The following SYT10 variants were observed in gnomAD, a reference collection of about 807,000 sequenced individuals.
SYT10 encodes the protein synaptotagmin 10, also known as synaptotagmin-10.
In SYT10, 31 loss-of-function variants were observed where a neutral mutation model predicts 51.1. The ratio of observed to expected loss-of-function variants is 0.61; its 90% CI spans 0.46 to 0.82. The LOEUF is 0.82. Among genes scored for constraint, SYT10 ranks in the 40% least tolerant of loss-of-function variants. SYT10 has a pLI of 0.00. For missense variants in SYT10, 603 were observed against 634.0 expected (o/e 0.95, Z 0.53); for synonymous variants, 233 against 225.9 (o/e 1.03, Z -0.28).
Position 33,379,868 on chromosome 12 carries a change from ATG to A in SYT10, c.1462_1463del (p.His488SerfsTer21). On this transcript the variant is annotated frameshift_variant, in exon 6 of 7. Coordinates refer to ENST00000228567, the MANE Select transcript of SYT10 (RefSeq NM_198992.4). LOFTEE classifies it high-confidence loss of function. ...GGTGCCAGTGCGTTATTGGTTTTCG[ATG>A]ATAGGCCAGCATTTCATTCCAGTGG... ...RDHWNEMLAYHRKPITHWHPL... is the reference protein window; with the variant it reads ...RDHWNEMLAYXRKPITHWHPL... 3 of 1,614,028 alleles carry A rather than the reference ATG, an allele frequency of 1.9e-6. No individual in the cohort carries two copies. Among genetic ancestry groups the A allele is most frequent in the Non-Finnish European group, 2.5e-6 (3 of 1,179,946 alleles).
chr12:33,435,583 A>T (rs1025357029), intron 1 of SYT10, among the ~76,000 whole-genome samples: 1 of 152,222 alleles, frequency 6.6e-6, no homozygotes, highest in Admixed American at 6.5e-5. Flanking sequence ...ACAAGTCTCA[A>T]GGAAAAAATT....
intron 2 of SYT10, among the ~76,000 whole-genome samples, chr12:33,409,737 G>A (rs1866390191): frequency 6.6e-6 from 1 of 151,990 alleles, no homozygotes; most frequent in African/African-American, 2.4e-5. Flanking sequence ...GGATGGTCTC[G>A]ATCTCCTGAT....
intron 2 of SYT10, among the ~76,000 whole-genome samples, chr12:33,411,762 G>C (rs542273907): frequency 2.0e-5 from 3 of 152,006 alleles, no homozygotes; most frequent in Non-Finnish European, 4.4e-5. Context: ...TGTTTCTTCA[G>C]ATATATGCCA....
At chr12:33,439,223 G>T in intron 1 of SYT10, 149 bp downstream of exon 1, 1 of 1,029,088 alleles carries the variant, frequency 9.7e-7, no homozygotes, top group Non-Finnish European at 1.4e-6. Flanking sequence ...GTCGTCAGGA[G>T]CTGAGCGAAG....
chr12:33,423,835 G>A, intron 2 of SYT10: 1 of 415,404 alleles, frequency 2.4e-6, no homozygotes, highest in Non-Finnish European at 4.8e-6. Flanking sequence ...CCAGCTGCAT[G>A]ACTTCAGGCA....
chr12:33,430,189 T>A (rs1466136091), intron 1 of SYT10, among the ~76,000 whole-genome samples: 2 of 152,238 alleles, frequency 1.3e-5, no homozygotes, highest in African/African-American at 4.8e-5. Flanking sequence ...ACTGTCTATA[T>A]GTCTGTCGGT....
chr12:33,403,133 T>C (rs1866320649), intron 3 of SYT10, among the ~76,000 whole-genome samples: 3 of 152,084 alleles, frequency 2.0e-5, no homozygotes, highest in South Asian at 2.1e-4. Context: ...AAATGATTAT[T>C]TCAAATAAAA....
intron 1 of SYT10, among the ~76,000 whole-genome samples, chr12:33,431,292 T>C (rs1446858739): frequency 1.3e-5 from 2 of 152,138 alleles, no homozygotes; most frequent in African/African-American, 2.4e-5. Context: ...GACTGAAAAA[T>C]GCTCTTTTAA....
At chr12:33,430,056 A>G (rs529603742) in intron 1 of SYT10, among the ~76,000 whole-genome samples, 70 of 152,338 alleles carry the variant, frequency 4.6e-4, no homozygotes, top group Admixed American at 9.1e-4. Flanking sequence ...TCATCCTATC[A>G]TATCTGGAAA....
chr12:33,381,691 G>A (rs1265563228), intron 5 of SYT10, among the ~76,000 whole-genome samples: 2 of 152,100 alleles, frequency 1.3e-5, no homozygotes, highest in Non-Finnish European at 2.9e-5. Flanking sequence ...GGGAGAGTGG[G>A]AGGGCAAAGG....
chr12:33,421,168 G>A lies in SYT10; in HGVS notation c.509+4970C>T, dbSNP rs59553812. The stretch of plus-strand genomic sequence containing the variant: ...TTTCTTATAATAATGCACATTAAGC[G>A]TTCTTTTGGATACTATGCATGATGA... On this transcript the variant is annotated intron_variant, in intron 2 of 6. Coordinates refer to ENST00000228567, the MANE Select transcript of SYT10 (RefSeq NM_198992.4). 3.0e-3 allele frequency among the ~76,000 whole-genome samples: 462 copies of A among 152,014 alleles called. 2 individuals carry two copies. Among genetic ancestry groups the A allele is most frequent in the African/African-American group, 0.01 (432 of 41,484 alleles).
chr12:33,385,343 C>T, intron 3 of SYT10, 52 bp from the exon 4 acceptor site: 1 of 1,592,750 alleles, frequency 6.3e-7, no homozygotes, highest in East Asian at 2.3e-5. Flanking sequence ...GGGTGAAAAC[C>T]AAAAATAATC....
intron 5 of SYT10, among the ~76,000 whole-genome samples, chr12:33,381,683 G>A (rs1314930104): frequency 6.6e-6 from 1 of 152,104 alleles, no homozygotes; most frequent in African/African-American, 2.4e-5. Context: ...AGGCAACGGG[G>A]AGAGTGGGAG....
chr12:33,409,143 A>T (rs1866384187), intron 2 of SYT10, among the ~76,000 whole-genome samples: 1 of 152,102 alleles, frequency 6.6e-6, no homozygotes, highest in South Asian at 2.1e-4. Context: ...CAGCAGGTCT[A>T]CACCTGTTAC....
chr12:33,429,939 C>G (rs1565500173), intron 1 of SYT10, among the ~76,000 whole-genome samples: 1 of 152,164 alleles, frequency 6.6e-6, no homozygotes, highest in Admixed American at 6.5e-5. Flanking sequence ...GGCTTTTCTA[C>G]ACAGGCTTTC....
At chr12:33,425,593 C>T (rs1338508303) in intron 2 of SYT10, among the ~76,000 whole-genome samples, 1 of 152,110 alleles carries the variant, frequency 6.6e-6, no homozygotes, top group Non-Finnish European at 1.5e-5. Flanking sequence ...GTGTAAGAAT[C>T]TGGTCTACAT....
intron 2 of SYT10, among the ~76,000 whole-genome samples, chr12:33,417,146 T>C (rs7298158): frequency 0.13 from 20,300 of 152,172 alleles, 1,584 homozygotes; most frequent in African/African-American, 0.19. Flanking sequence ...ATGTCCCCTC[T>C]AAAACTCACA....
intron 3 of SYT10, chr12:33,405,107 A>G (rs1317989135): frequency 2.6e-5 from 4 of 152,148 alleles, no homozygotes; most frequent in Non-Finnish European, 5.9e-5. Context: ...GAATATATGT[A>G]CATAACATAC....
In SYT10 at chr12:33,407,264, T is replaced by C; in HGVS notation, c.602A>G (p.Glu201Gly). The C allele has an allele frequency of 6.2e-7, 1 of 1,613,908 alleles. No individual in the cohort carries two copies. Among genetic ancestry groups the C allele is most frequent in the Non-Finnish European group, 8.5e-7 (1 of 1,180,038 alleles). Reference sequence around the variant, plus strand: ...TATCCTCCCAATGCTGGTTGTTGTTTCTCCTCGTTGTAAAACAGGTTCTGT... The same window carrying C: ...TATCCTCCCAATGCTGGTTGTTGTTCCTCCTCGTTGTAAAACAGGTTCTGT... ...MGTEPVLQRGETTTSIGRIKP... is the reference protein window; with the variant it reads ...MGTEPVLQRGGTTTSIGRIKP... The change falls in exon 3 of 7, where the codon GAA (glutamate) becomes GGA (glycine). Residue 201 changes from glutamate (E) to glycine (G), a missense_variant. Glu to Gly is a moderately conservative substitution (Grantham distance 98). Transcript: ENST00000228567.
Sources: allele counts gnomAD v4.1 joint callset (sites outside exome capture counted in the v4.1 genomes callset), GRCh38; gene constraint gnomAD v4.1.1; transcripts MANE v1.5; gene names NCBI Gene and HGNC (gene_info 2026-07-23, HGNC 2026-07-21).